The following B3GALT1 variants were observed in gnomAD, a reference collection of about 807,000 sequenced individuals.
B3GALT1 encodes beta-1,3-galactosyltransferase 1.
Under a neutral mutation model 23.2 loss-of-function variants are expected in B3GALT1, and 10 were observed. That is an observed-to-expected ratio of 0.43 (90% CI 0.27 to 0.73). The LOEUF (loss-of-function observed/expected upper bound fraction) is 0.73, where lower values mean the gene tolerates loss of function less well. Ranked by LOEUF, B3GALT1 falls within the 30% of genes least tolerant of loss-of-function variation. The pLI is 0.21. For synonymous variants in B3GALT1, 156 were observed against 141.5 expected, an observed-to-expected ratio of 1.10 and a Z score of -0.73; for missense variants, 299 against 405.4, an observed-to-expected ratio of 0.74 and a Z score of 2.25.
At chr2:167,414,249 A>G (rs1698434517) in intron 1 of B3GALT1, among the ~76,000 whole-genome samples, 1 of 152,154 alleles carries the variant, frequency 6.6e-6, no homozygotes, top group Admixed American at 6.5e-5. Context: ...TTACTTCCTA[A>G]GAGAATACAG....
chr2:167,334,728 A>G (rs144628401), intron 1 of B3GALT1, among the ~76,000 whole-genome samples: 293 of 152,318 alleles, frequency 1.9e-3, no homozygotes, highest in African/African-American at 6.8e-3. Flanking sequence ...TAGGCAAGAT[A>G]TGGTGAATAA....
intron 1 of B3GALT1, among the ~76,000 whole-genome samples, chr2:167,453,554 T>C (rs1344599536): frequency 6.6e-6 from 1 of 150,816 alleles, no homozygotes; most frequent in Non-Finnish European, 1.5e-5. Context: ...ATTTTGGTTT[T>C]GGATTATAGA....
intron 2 of B3GALT1, among the ~76,000 whole-genome samples, chr2:167,588,842 CTTCT>C (rs1294544031): frequency 1.6e-4 from 17 of 108,938 alleles, no homozygotes; most frequent in African/African-American, 4.0e-4. Flanking sequence ...TCCTTCCTTC[CTTCT>C]TTCCTTCCTT....
At chr2:167,564,321 C>G (rs1226652943) in intron 2 of B3GALT1, among the ~76,000 whole-genome samples, 1 of 149,904 alleles carries the variant, frequency 6.7e-6, no homozygotes, top group African/African-American at 2.5e-5. Context: ...CGGGAAGAGG[C>G]GCTCCCCACC....
At chr2:167,557,355 T>G (rs1053629756) in intron 2 of B3GALT1, among the ~76,000 whole-genome samples, 2 of 152,212 alleles carry the variant, frequency 1.3e-5, no homozygotes, top group Non-Finnish European at 2.9e-5. Flanking sequence ...AACTAAAACC[T>G]TATCATTTTG....
chr2:167,507,244 C>T (rs745608480), intron 2 of B3GALT1, among the ~76,000 whole-genome samples: 4 of 151,880 alleles, frequency 2.6e-5, no homozygotes, highest in African/African-American at 4.8e-5. Context: ...CAGTGGCTCA[C>T]GCCTGTAATC....
At chr2:167,506,034 T>G (rs1434486498) in intron 2 of B3GALT1, among the ~76,000 whole-genome samples, 1 of 152,052 alleles carries the variant, frequency 6.6e-6, no homozygotes, top group Non-Finnish European at 1.5e-5. Flanking sequence ...CACTCCAGCC[T>G]GGGTGACAGA....
intron 3 of B3GALT1, among the ~76,000 whole-genome samples, chr2:167,790,841 C>G (rs1688426695): frequency 6.6e-6 from 1 of 152,284 alleles, no homozygotes. Flanking sequence ...CTTTTAATGG[C>G]TGTTCCCTAA....
chr2:167,564,111 C>T (rs1029466255), intron 2 of B3GALT1, among the ~76,000 whole-genome samples: 9 of 150,524 alleles, frequency 6.0e-5, no homozygotes, highest in African/African-American at 1.2e-4. Context: ...TCAGACGGGG[C>T]GGCTGCCTGG....
intron 3 of B3GALT1, chr2:167,714,821 G>A: frequency 1.2e-6 from 2 of 1,611,742 alleles, no homozygotes; most frequent in Non-Finnish European, 1.7e-6. Context: ...TTCCACTTTA[G>A]AAAGCTTCTC....
Position 167,381,415 on chromosome 2 carries a change from A to C in B3GALT1, c.-511+88081A>C, listed in dbSNP as rs142060530. Among the ~76,000 whole-genome samples the C allele has an allele frequency of 5.3e-3, 803 of 152,286 alleles. 4 individuals are homozygous for C. Among genetic ancestry groups the C allele is most frequent in the Middle Eastern group, 0.01 (3 of 294 alleles). ...TTCAAATTTTACTCTGATTTATTAA[A>C]AATATCAAAACCAGTAATTTTCAAT... On this transcript the variant is annotated intron_variant, in intron 1 of 4. Coordinates refer to ENST00000392690, the MANE Select transcript of B3GALT1 (RefSeq NM_020981.4).
intron 2 of B3GALT1, among the ~76,000 whole-genome samples, chr2:167,545,355 A>C (rs144275676): frequency 0.015 from 2,325 of 152,052 alleles, 55 homozygotes; most frequent in African/African-American, 0.053. Flanking sequence ...TCTTATGCTT[A>C]TATCCCCTTA....
intron 2 of B3GALT1, among the ~76,000 whole-genome samples, chr2:167,517,776 A>G (rs927960440): frequency 3.3e-5 from 5 of 152,090 alleles, no homozygotes; most frequent in African/African-American, 9.7e-5. Flanking sequence ...TGACAGGTTT[A>G]TGAATAATTC....
At chr2:167,405,091 A>C (rs1698252505) in intron 1 of B3GALT1, among the ~76,000 whole-genome samples, 1 of 152,186 alleles carries the variant, frequency 6.6e-6, no homozygotes, top group Non-Finnish European at 1.5e-5. Context: ...ACTGCCCTTA[A>C]GGATTGACTC....
At chr2:167,765,321 C>A (rs796564683) in intron 3 of B3GALT1, among the ~76,000 whole-genome samples, 11 of 152,224 alleles carry the variant, frequency 7.2e-5, no homozygotes, top group African/African-American at 2.6e-4. Context: ...AAATCAGCCA[C>A]ATAATAATTT....
chr2:167,359,209 A>T (rs1406572115), intron 1 of B3GALT1, among the ~76,000 whole-genome samples: 1 of 152,214 alleles, frequency 6.6e-6, no homozygotes, highest in Non-Finnish European at 1.5e-5. Context: ...AAAGCTCAAA[A>T]ATTTTGTTGT....
In B3GALT1 at chr2:167,865,513, C is replaced by G. The variant is rs367937997; in HGVS notation, c.-229-3298C>G. On this transcript the variant is annotated intron_variant, in intron 4 of 4. Transcript: ENST00000392690. ...GAACTGCTATTGAAATAAATGGGGC[C>G]GGGCACAGTGGCTCACGCCTGTAAT... Among the ~76,000 whole-genome samples, 44 of 151,710 alleles carry G rather than the reference C, an allele frequency of 2.9e-4. 1 individual carries two copies. In the South Asian group the frequency reaches 8.8e-3, roughly 30 times the overall value.
intron 2 of B3GALT1, among the ~76,000 whole-genome samples, chr2:167,506,057 CA>C (rs998383750): frequency 1.1e-4 from 16 of 145,400 alleles, no homozygotes; most frequent in South Asian, 2.2e-4. Context: ...GAGACTCCAC[CA>C]AAAAAAAAAG....
chr2:167,340,842 T>G (rs1697136534), intron 1 of B3GALT1, among the ~76,000 whole-genome samples: 1 of 152,158 alleles, frequency 6.6e-6, no homozygotes, highest in Non-Finnish European at 1.5e-5. Flanking sequence ...AGCATGAAAT[T>G]GATAATGTAA....
Sources: allele counts gnomAD v4.1 joint callset (sites outside exome capture counted in the v4.1 genomes callset), GRCh38; gene constraint gnomAD v4.1.1; transcripts MANE v1.5; gene names NCBI Gene and HGNC (gene_info 2026-07-23, HGNC 2026-07-21).